ATXN1: variants seen among roughly 807,000 people sequenced by gnomAD.
ATXN1 encodes the protein ataxin-1.
Under a neutral mutation model 56.4 loss-of-function variants are expected in ATXN1, and 8 were observed. The observed-to-expected ratio is 0.14, with a 90% CI of 0.08 to 0.26. ATXN1 has a LOEUF of 0.26. Among genes scored for constraint, ATXN1 ranks in the 10% least tolerant of loss-of-function variants. ATXN1 has a pLI of 1.00. For synonymous variants in ATXN1, 514 were observed against 494.6 expected (o/e 1.04, Z -0.52); for missense variants, 987 against 1,106.5 (o/e 0.89, Z 1.53).
intron 6 of ATXN1, among the ~76,000 whole-genome samples, chr6:16,411,761 T>G (rs867075801): frequency 6.6e-6 from 1 of 152,214 alleles, no homozygotes; most frequent in Non-Finnish European, 1.5e-5. Flanking sequence ...AGACCTTGTT[T>G]CCAGTCATTC....
At chr6:16,367,795 A>T (rs1761955090) in intron 6 of ATXN1, among the ~76,000 whole-genome samples, 1 of 151,322 alleles carries the variant, frequency 6.6e-6, no homozygotes, top group East Asian at 1.9e-4. Context: ...CATGAAGTAA[A>T]CAAAAATGTG....
chr6:16,667,223 C>T (rs927824442), intron 2 of ATXN1: 1 of 152,324 alleles, frequency 6.6e-6, no homozygotes, highest in South Asian at 2.1e-4. Context: ...AACCTCCATC[C>T]ACCTGAGAGC....
At chr6:16,560,530 G>A (rs1352045486) in intron 4 of ATXN1, among the ~76,000 whole-genome samples, 1 of 152,184 alleles carries the variant, frequency 6.6e-6, no homozygotes, top group East Asian at 1.9e-4. Flanking sequence ...GGGGGCAGGG[G>A]TGGAGAGAGA....
intron 1 of ATXN1, 48 bp downstream of exon 1, chr6:16,761,250 G>A (rs1269866707): frequency 1.2e-5 from 5 of 430,292 alleles, no homozygotes; most frequent in South Asian, 8.4e-5. Flanking sequence ...AGAAGGGAAT[G>A]GGGGAGGGGG....
chr6:16,698,940 A>T (rs895204645), intron 2 of ATXN1, among the ~76,000 whole-genome samples: 4 of 152,250 alleles, frequency 2.6e-5, no homozygotes, highest in Non-Finnish European at 5.9e-5. Flanking sequence ...AACTAAGCTA[A>T]TTTTTTAAAA....
chr6:16,306,677 G>C lies in ATXN1; in HGVS notation c.2100C>G (p.Pro700=). 1 of 1,614,196 alleles carries C rather than the reference G, an allele frequency of 6.2e-7. No individual in the cohort carries two copies. The highest frequency in any genetic ancestry group is 1.1e-5 in the South Asian group (1 of 91,082). ...TCAGCAGGACGCTGGCGGGATCCAC[G>C]GGCTGGCCCTTTTTAACAGAGCCGT... ...LKNGSVKKGQ[P]VDPASVLLKH... Residue 700 remains proline, a synonymous_variant, in exon 8 of 8, where the codon CCC becomes CCG. Coordinates refer to ENST00000436367, the MANE Select transcript of ATXN1 (RefSeq NM_001128164.2). The surrounding 1 kb of genome is among the most constrained non-coding windows in gnomAD (Gnocchi z 5.2).
At chr6:16,583,827 T>C (rs575130317) in intron 4 of ATXN1, among the ~76,000 whole-genome samples, 14 of 152,288 alleles carry the variant, frequency 9.2e-5, no homozygotes, top group African/African-American at 3.1e-4. Flanking sequence ...AGAAGTATGC[T>C]AAACCCTTTT....
chr6:16,502,025 G>A (rs1379238922), intron 5 of ATXN1, among the ~76,000 whole-genome samples: 1 of 152,188 alleles, frequency 6.6e-6, no homozygotes, highest in African/African-American at 2.4e-5. Flanking sequence ...TTTAGGAGCT[G>A]CAAAGGAGTA....
chr6:16,553,456 T>C (rs1446428297), intron 4 of ATXN1, among the ~76,000 whole-genome samples: 1 of 152,168 alleles, frequency 6.6e-6, no homozygotes, highest in African/African-American at 2.4e-5. Context: ...CGTCTCACAG[T>C]ACCTTTCTCA....
intron 3 of ATXN1, among the ~76,000 whole-genome samples, chr6:16,599,202 T>C (rs548825049): frequency 2.6e-5 from 4 of 152,288 alleles, no homozygotes; most frequent in East Asian, 3.9e-4. Context: ...CACCTCACTC[T>C]AAAGGGCCAG....
intron 3 of ATXN1, among the ~76,000 whole-genome samples, chr6:16,632,831 C>A (rs1236058542): frequency 2.6e-5 from 4 of 151,834 alleles, no homozygotes; most frequent in Non-Finnish European, 4.4e-5. Flanking sequence ...CTCGTCGCTA[C>A]TAATAACACA....
intron 3 of ATXN1, among the ~76,000 whole-genome samples, chr6:16,589,432 TTATATA>T (rs961389536): frequency 2.2e-4 from 33 of 150,834 alleles, no homozygotes; most frequent in African/African-American, 8.0e-4. Context: ...CATTTATATA[TTATATA>T]TACATACTTA....
intron 6 of ATXN1, among the ~76,000 whole-genome samples, chr6:16,339,581 G>T (rs1364675121): frequency 6.6e-6 from 1 of 152,142 alleles, no homozygotes; most frequent in Admixed American, 6.5e-5. Flanking sequence ...ATTTGTGCAG[G>T]CTACAGCAAT....
intron 4 of ATXN1, among the ~76,000 whole-genome samples, chr6:16,564,313 G>GAA (rs11403124): frequency 0.13 from 19,643 of 150,988 alleles, 3,689 homozygotes; most frequent in African/African-American, 0.42. Context: ...TGTGTAAAAT[G>GAA]AAAAAAAAAT....
chr6:16,385,733 CA>C (rs1435823565), intron 6 of ATXN1, among the ~76,000 whole-genome samples: 1 of 150,692 alleles, frequency 6.6e-6, no homozygotes, highest in African/African-American at 2.4e-5. Context: ...AACAAACACA[CA>C]AAAATAACTT....
intron 2 of ATXN1, among the ~76,000 whole-genome samples, chr6:16,731,348 A>G (rs1759971334): frequency 6.6e-6 from 1 of 150,774 alleles, no homozygotes; most frequent in South Asian, 2.2e-4. Context: ...AAAACATCAC[A>G]AGCACTGAGC....
rs903846656 is a variant in ATXN1 at position 16,488,674 on chromosome 6, T to C, written c.-298-2565A>G. 4.6e-5 allele frequency among the ~76,000 whole-genome samples: 7 copies of C among 152,238 alleles called. No homozygotes were observed. In the East Asian group the frequency reaches 5.8e-4, roughly 13 times the overall value. On this transcript the variant is annotated intron_variant, in intron 5 of 7. Coordinates refer to ENST00000436367, the MANE Select transcript of ATXN1 (RefSeq NM_001128164.2). ...AAGCATCATCCAACAGGCTCATTCA[T>C]GTTCTCCCCATGAATGGAGTAAGTC...
rs41267702 is a variant in ATXN1 at position 16,306,627 on chromosome 6, G to A, written c.2150C>T (p.Ala717Val). Residue 717 changes from alanine (A) to valine (V), a missense_variant, in exon 8 of 8, where the codon GCG becomes GTG. Ala to Val is a moderately conservative substitution (Grantham distance 64, BLOSUM62 0). This residue lies in a region of ATXN1 where 196 missense variants were observed against 196.7 expected (regional missense o/e 1.00). Transcript: ENST00000436367. This position sits in a 1 kb window ranked among gnomAD's most constrained non-coding sequence, Gnocchi z 5.2. ...LLKHSKADGLAGSRHRYAEQE... is the reference protein window; with the variant it reads ...LLKHSKADGLVGSRHRYAEQE... ...CTCGGCATACCTGTGTCTGCTGCCC[G>A]CCAGGCCGTCGGCCTTTGAGTGCTT... 6,960 of 1,614,222 alleles carry A rather than the reference G, an allele frequency of 4.3e-3. 28 individuals are homozygous for A. Among genetic ancestry groups the A allele is most frequent in the Non-Finnish European group, 5.2e-3 (6,159 of 1,180,050 alleles).
In ATXN1 at chr6:16,330,390, CTT is replaced by C. The variant is rs60608169; in HGVS notation, c.-160-1922_-160-1921del. On this transcript the variant is annotated intron_variant, in intron 6 of 7. Coordinates refer to ENST00000436367, the MANE Select transcript of ATXN1 (RefSeq NM_001128164.2). The stretch of plus-strand genomic sequence containing the variant: ...AATGATTTTTTTCCTTCCTTCCTTC[CTT>C]TTTTTTTTTTTTTTTTTGAAAAGGT... Among the ~76,000 whole-genome samples, 49 of 119,800 alleles carry C rather than the reference CTT, an allele frequency of 4.1e-4. No individual in the cohort carries two copies. In the East Asian group the frequency reaches 6.1e-3, roughly 15 times the overall value. The allele number at this position is 119,800 out of a possible 152,430, so 78.6% of individuals were successfully genotyped here.
Sources: allele counts gnomAD v4.1 joint callset (sites outside exome capture counted in the v4.1 genomes callset), GRCh38; gene constraint gnomAD v4.1.1; regional missense constraint gnomAD v4.1.1; non-coding constraint Gnocchi (gnomAD v3.1); transcripts MANE v1.5; gene names NCBI Gene and HGNC (gene_info 2026-07-23, HGNC 2026-07-21).